EFNA5: variants seen among roughly 807,000 people sequenced by gnomAD.
EFNA5 encodes ephrin A5.
A neutral mutation model predicts 22.9 loss-of-function variants in EFNA5; 5 were observed. The observed-to-expected ratio is 0.22, with a 90% CI of 0.11 to 0.46. The LOEUF (loss-of-function observed/expected upper bound fraction) is 0.46. Ranked by LOEUF, EFNA5 falls within the 20% of genes least tolerant of loss-of-function variation. The pLI, the probability that EFNA5 is intolerant of heterozygous loss-of-function variation, is 0.99. For synonymous variants in EFNA5, 113 were observed against 112.2 expected, an observed-to-expected ratio of 1.01 and a Z score of -0.04; for missense variants, 237 against 293.3, an observed-to-expected ratio of 0.81 and a Z score of 1.40.
At chr5:107,570,652 G>T (rs920974913) in intron 1 of EFNA5, among the ~76,000 whole-genome samples, 1 of 151,934 alleles carries the variant, frequency 6.6e-6, no homozygotes, top group African/African-American at 2.4e-5. Context: ...TGTGTGTGTG[G>T]GGGTGGGGGC....
chr5:107,615,496 C>A (rs1394018417), intron 1 of EFNA5, among the ~76,000 whole-genome samples: 2 of 152,130 alleles, frequency 1.3e-5, no homozygotes, highest in African/African-American at 4.8e-5. Context: ...TTTAACACCC[C>A]TGCCTTTGCA....
At chr5:107,427,545 AG>A (rs569574276) in intron 1 of EFNA5, 36 bp from the exon 2 acceptor site, 979 of 1,547,390 alleles carry the variant, frequency 6.3e-4, no homozygotes, top group Non-Finnish European at 7.9e-4. Context: ...GATAATTCAT[AG>A]AGAAAGGGCT....
chr5:107,554,637 T>A (rs1399897119), intron 1 of EFNA5, among the ~76,000 whole-genome samples: 1 of 152,132 alleles, frequency 6.6e-6, no homozygotes, highest in Non-Finnish European at 1.5e-5. Flanking sequence ...CAAAGAGAAA[T>A]ATCCATGAAG....
intron 1 of EFNA5, among the ~76,000 whole-genome samples, chr5:107,552,394 C>A (rs769734865): frequency 1.3e-5 from 2 of 152,186 alleles, no homozygotes; most frequent in African/African-American, 2.4e-5. Context: ...CCCCAAGTGA[C>A]CCATGAGGGA....
intron 1 of EFNA5, among the ~76,000 whole-genome samples, chr5:107,496,354 C>CAAA (rs1161571717): frequency 2.5e-5 from 3 of 121,762 alleles, no homozygotes; most frequent in African/African-American, 9.7e-5. Context: ...AAAAAAAAAA[C>CAAA]AAAAAAACAA....
intron 1 of EFNA5, among the ~76,000 whole-genome samples, chr5:107,521,934 G>A (rs73197091): frequency 0.064 from 9,792 of 152,050 alleles, 987 homozygotes; most frequent in African/African-American, 0.22. Context: ...CTGGCCTCAG[G>A]CAATTTGCCT....
intron 1 of EFNA5, among the ~76,000 whole-genome samples, chr5:107,637,413 A>C (rs1434041217): frequency 6.6e-6 from 1 of 152,078 alleles, no homozygotes; most frequent in African/African-American, 2.4e-5. Flanking sequence ...TCATTGGAGA[A>C]TGCTAACAGG....
intron 1 of EFNA5, among the ~76,000 whole-genome samples, chr5:107,527,316 G>C (rs1409124416): frequency 7.1e-6 from 1 of 140,616 alleles, no homozygotes; most frequent in Non-Finnish European, 1.5e-5. Flanking sequence ...ATGGAGTCTC[G>C]GGCACTGTTG....
chr5:107,387,453 CA>C (rs1260214637), intron 3 of EFNA5, 138 bp from the exon 4 acceptor site: 1 of 631,028 alleles, frequency 1.6e-6, no homozygotes, highest in African/African-American at 1.8e-5. Flanking sequence ...TTCCAAATGC[CA>C]ATATTGTTCC....
At chr5:107,500,466 C>T (rs1747107393) in intron 1 of EFNA5, among the ~76,000 whole-genome samples, 1 of 152,192 alleles carries the variant, frequency 6.6e-6, no homozygotes, top group Non-Finnish European at 1.5e-5. Context: ...AAGCAAAGAC[C>T]TGTCATATAC....
chr5:107,528,372 TTTTG>T (rs1391195398), intron 1 of EFNA5, among the ~76,000 whole-genome samples: 26 of 146,956 alleles, frequency 1.8e-4, no homozygotes, highest in Middle Eastern at 3.6e-3. Context: ...AAGAAAACAG[TTTTG>T]TTTTTTAGTT....
intron 1 of EFNA5, among the ~76,000 whole-genome samples, chr5:107,494,212 G>A (rs777394163): frequency 6.6e-6 from 1 of 152,166 alleles, no homozygotes; most frequent in South Asian, 2.1e-4. Flanking sequence ...GGCCAAGACC[G>A]GAGCCCGCTC....
At chr5:107,580,622 C>A (rs1197527865) in intron 1 of EFNA5, among the ~76,000 whole-genome samples, 1 of 148,924 alleles carries the variant, frequency 6.7e-6, no homozygotes, top group Non-Finnish European at 1.5e-5. Flanking sequence ...ACTCAGGAGG[C>A]TAAGGCAGGA....
chr5:107,666,859 C>T lies in EFNA5; in HGVS notation c.125+3630G>A, dbSNP rs80128098. 6.1e-3 allele frequency among the ~76,000 whole-genome samples: 934 copies of T among 152,212 alleles called. 10 individuals are homozygous for T. Among genetic ancestry groups the T allele is most frequent in the Middle Eastern group, 0.014 (4 of 294 alleles). On this transcript the variant is annotated intron_variant, in intron 1 of 4. Transcript: ENST00000333274. ...GAAGCACCAAACTGCTTATGGCATA[C>T]TTCAGATGAAGAGGCATGTTCTTAG...
At chr5:107,607,887 C>T (rs1034090622) in intron 1 of EFNA5, among the ~76,000 whole-genome samples, 1 of 152,118 alleles carries the variant, frequency 6.6e-6, no homozygotes, top group Non-Finnish European at 1.5e-5. Context: ...TCCTCCTCCC[C>T]CTAACACTTC....
intron 1 of EFNA5, among the ~76,000 whole-genome samples, chr5:107,665,495 G>A (rs1460243324): frequency 6.6e-6 from 1 of 152,116 alleles, no homozygotes; most frequent in South Asian, 2.1e-4. Flanking sequence ...GTGAGCTGAT[G>A]GTTTAGTTAT....
chr5:107,574,556 T>A (rs552272093), intron 1 of EFNA5, among the ~76,000 whole-genome samples: 1 of 152,132 alleles, frequency 6.6e-6, no homozygotes. Flanking sequence ...AAGATTTTTT[T>A]CCCCCCATGG....
intron 1 of EFNA5, among the ~76,000 whole-genome samples, chr5:107,461,944 G>A (rs966277114): frequency 6.6e-6 from 1 of 152,134 alleles, no homozygotes; most frequent in Non-Finnish European, 1.5e-5. Context: ...CCCGAAAGCA[G>A]CCCGGTACTT....
At chr5:107,522,965 G>C (rs1304741339) in intron 1 of EFNA5, among the ~76,000 whole-genome samples, 1 of 152,022 alleles carries the variant, frequency 6.6e-6, no homozygotes, top group Admixed American at 6.5e-5. Context: ...ACCTAAACAG[G>C]GTTCATCAAA....
Sources: allele counts gnomAD v4.1 joint callset (sites outside exome capture counted in the v4.1 genomes callset), GRCh38; gene constraint gnomAD v4.1.1; transcripts MANE v1.5; gene names NCBI Gene and HGNC (gene_info 2026-07-23, HGNC 2026-07-21).